Variants in PRH1 observed in about 807,000 individuals in gnomAD.
PRH1 encodes the protein proline rich protein HaeIII subfamily 1.
A neutral mutation model predicts 7.9 loss-of-function variants in PRH1; 7 were observed. The observed-to-expected ratio is 0.89, with a 90% CI of 0.50 to 1.67. PRH1 has a LOEUF of 1.67. Among genes scored for constraint, PRH1 ranks in the 40% most tolerant of loss-of-function variants. PRH1 has a pLI of 0.00. For synonymous variants in PRH1, 45 were observed against 80.8 expected (o/e 0.56, Z 2.38); for missense variants, 109 against 223.6 (o/e 0.49, Z 3.27).
chr12:10,962,824 C>T (rs77777129), intron 2 of PRH1, among the ~76,000 whole-genome samples: 36,897 of 152,076 alleles, frequency 0.24, 4,492 homozygotes, highest in Non-Finnish European at 0.25. Flanking sequence ...GGCTGGAGTG[C>T]AGTGGCGCGA....
intron 1 of PRH1, among the ~76,000 whole-genome samples, chr12:11,135,294 T>C (rs2136377684): frequency 6.6e-6 from 1 of 152,226 alleles, no homozygotes; most frequent in African/African-American, 2.4e-5. Flanking sequence ...TAATACACTT[T>C]GCATAGAAAT....
chr12:11,033,405 A>AC (rs60324869), intron 1 of PRH1, among the ~76,000 whole-genome samples: 36 of 150,226 alleles, frequency 2.4e-4, no homozygotes, highest in African/African-American at 8.3e-4. Context: ...ACAAAACAAA[A>AC]AACCAACATC....
chr12:10,898,197 T>A (rs1289922116), intron 2 of PRH1, among the ~76,000 whole-genome samples: 2 of 152,224 alleles, frequency 1.3e-5, no homozygotes, highest in Non-Finnish European at 2.9e-5. Flanking sequence ...TTAGTCATGT[T>A]CTTTGTGTAA....
rs1949414503 is a variant in PRH1, at chr12:10,882,303, T to C, written c.496A>G (p.Lys166Glu). The change falls in exon 3 of 4, where the codon AAG becomes GAG. Residue 166 changes from lysine to glutamate, a missense_variant. This residue lies in a region of PRH1 where 45 missense variants were observed against 88.8 expected (regional missense o/e 0.51). Coordinates refer to ENST00000543626, the MANE Select transcript of PRH1 (RefSeq NM_001393989.1). ...QQGPPPPPPG[K>E]PQGPPPQGGR... ...CCTTGGGGAGGTGGTCCCTGGGGCTTTCCAGGAGGAGGTGGGGGAGGACCT... is the reference window on the plus strand; with the variant it reads ...CCTTGGGGAGGTGGTCCCTGGGGCTCTCCAGGAGGAGGTGGGGGAGGACCT... 6.2e-7 allele frequency: 1 copy of C among 1,610,014 alleles called. No homozygotes were observed. Among genetic ancestry groups the C allele is most frequent in the Non-Finnish European group, 8.5e-7 (1 of 1,178,556 alleles).
rs1478054112 is a variant in PRH1, at chr12:11,102,760, ACAGAAGGAGAAAATTT to A, written n.124-55588_124-55573del. On this transcript the variant is annotated intron_variant and non_coding_transcript_variant, in intron 1 of 4. Transcript: ENST00000541977. ...TACTGTCACAGTGAACAGGCAACCTACAGAAGGAGAAAATTTTTACAATCTACCCATCTGACAAAGG... is the reference window on the plus strand; with the variant it reads ...TACTGTCACAGTGAACAGGCAACCTATTACAATCTACCCATCTGACAAAGG... Among the ~76,000 whole-genome samples, 4 of 152,336 alleles carry A rather than the reference ACAGAAGGAGAAAATTT, an allele frequency of 2.6e-5. No homozygotes were observed. The East Asian group carries it at 7.7e-4, about 29-fold the overall frequency.
At chr12:11,143,844 G>A (rs117495462) in intron 1 of PRH1, among the ~76,000 whole-genome samples, 2,329 of 152,314 alleles carry the variant, frequency 0.015, 19 homozygotes, top group South Asian at 0.031. Context: ...TATGATTAGA[G>A]CAAATACTGT....
intron 2 of PRH1, among the ~76,000 whole-genome samples, chr12:10,959,440 A>C (rs1034576283): frequency 6.6e-6 from 1 of 152,174 alleles, no homozygotes; most frequent in African/African-American, 2.4e-5. Flanking sequence ...AACTTACCTA[A>C]GAAGTGGGAG....
At position 11,008,318 on chromosome 12, in the gene PRH1, A is replaced by G. The variant is rs1283653521; in HGVS notation, c.-125-34597T>C. On this transcript the variant is annotated intron_variant, in intron 1 of 3. Transcript: ENST00000539853. Reference sequence around the variant, plus strand: ...ACATTTCTCCTAATTCAAAATTTTTATATTAAAATTATAATGCATACATAG... The same window carrying G: ...ACATTTCTCCTAATTCAAAATTTTTGTATTAAAATTATAATGCATACATAG... 2.0e-5 allele frequency among the ~76,000 whole-genome samples: 3 copies of G among 152,080 alleles called. No individual in the cohort carries two copies. The East Asian group carries it at 5.8e-4, about 29-fold the overall frequency.
chr12:10,952,897 G>T (rs1332457306), intron 2 of PRH1, among the ~76,000 whole-genome samples: 1 of 152,058 alleles, frequency 6.6e-6, no homozygotes, highest in Non-Finnish European at 1.5e-5. Context: ...GCTTTGGCTG[G>T]TACCATCCTT....
intron 1 of PRH1, among the ~76,000 whole-genome samples, chr12:11,066,264 G>T (rs1000498512): frequency 5.3e-5 from 8 of 152,158 alleles, no homozygotes; most frequent in Non-Finnish European, 1.2e-4. Context: ...TGTGACAGAA[G>T]ATCTGAGGTC....
chr12:11,064,739 A>G (rs1943742843), intron 1 of PRH1, among the ~76,000 whole-genome samples: 1 of 152,126 alleles, frequency 6.6e-6, no homozygotes, highest in Non-Finnish European at 1.5e-5. Context: ...ATTAATTTGT[A>G]TTCCTTTTTG....
At chr12:10,930,661 G>A in intron 2 of PRH1, 1 of 1,613,844 alleles carries the variant, frequency 6.2e-7, no homozygotes, top group Non-Finnish European at 8.5e-7. Flanking sequence ...AACTCACACA[G>A]ATGGAGGAGA....
intron 1 of PRH1, among the ~76,000 whole-genome samples, chr12:10,995,836 G>C (rs2136004248): frequency 6.6e-6 from 1 of 152,178 alleles, no homozygotes; most frequent in East Asian, 1.9e-4. Context: ...GCACTGAAAA[G>C]AGCTCATGAT....
intron 1 of PRH1, among the ~76,000 whole-genome samples, chr12:11,110,663 T>C (rs915557497): frequency 6.6e-6 from 1 of 152,066 alleles, no homozygotes; most frequent in South Asian, 2.1e-4. Flanking sequence ...GCACTAAATG[T>C]GGAAAGGAAA....
intron 1 of PRH1, chr12:11,077,459 G>C: frequency 1.2e-6 from 1 of 807,740 alleles, no homozygotes; most frequent in Non-Finnish European, 1.9e-6. Flanking sequence ...TGGCAAAGCA[G>C]GAATACAAGT....
chr12:11,074,561 G>A (rs1944220174), intron 1 of PRH1, among the ~76,000 whole-genome samples: 1 of 119,246 alleles, frequency 8.4e-6, no homozygotes, highest in African/African-American at 2.8e-5. Flanking sequence ...ACTGTCTGGT[G>A]AGGGGATAGT....
At chr12:10,986,299 A>T in intron 1 of PRH1, 2 of 1,614,114 alleles carry the variant, frequency 1.2e-6, no homozygotes, top group Non-Finnish European at 1.7e-6. Context: ...GACAGAGTAA[A>T]GGGTATGAAG....
chr12:10,938,604 T>C (rs747256478), intron 2 of PRH1: 1 of 1,613,940 alleles, frequency 6.2e-7, no homozygotes, highest in Non-Finnish European at 8.5e-7. Flanking sequence ...ATGGAGAAGA[T>C]GAGGAGAAGA....
upstream of PRH1, among the ~76,000 whole-genome samples, chr12:10,886,697 A>C (rs556458367): frequency 2.6e-5 from 4 of 152,302 alleles, no homozygotes; most frequent in Admixed American, 2.6e-4. Context: ...AGTCTTCAAC[A>C]TATGAAATTT....
Sources: allele counts gnomAD v4.1 joint callset (sites outside exome capture counted in the v4.1 genomes callset), GRCh38; gene constraint gnomAD v4.1.1; regional missense constraint gnomAD v4.1.1; transcripts MANE v1.5; gene names NCBI Gene and HGNC (gene_info 2026-07-23, HGNC 2026-07-21).